Variants in MKX observed in about 807,000 individuals in gnomAD.
MKX encodes mohawk homeobox.
Under a neutral mutation model 36.0 loss-of-function variants are expected in MKX, and 13 were observed. That is an observed-to-expected ratio of 0.36 (90% confidence interval 0.24 to 0.57). The LOEUF (loss-of-function observed/expected upper bound fraction) is 0.57, where lower values mean the gene tolerates loss of function less well. Among genes scored for constraint, MKX ranks in the 20% least tolerant of loss-of-function variants. The probability of loss-of-function intolerance (pLI) is 0.79; values close to 1 mark genes in which losing one functional copy is unlikely to be tolerated. For synonymous variants in MKX, 176 were observed against 178.3 expected, an observed-to-expected ratio of 0.99 and a Z score of 0.10; for missense variants, 458 against 456.4, an observed-to-expected ratio of 1.00 and a Z score of -0.03.
intron 5 of MKX, among the ~76,000 whole-genome samples, chr10:27,714,411 G>A (rs866876943): frequency 6.6e-6 from 1 of 152,166 alleles, no homozygotes; most frequent in Non-Finnish European, 1.5e-5. Context: ...CATTGTTAGA[G>A]AAAGCGCTTG....
intron 5 of MKX, among the ~76,000 whole-genome samples, chr10:27,726,167 CTTTGTAAGATCAAAACTTAACG>C: frequency 6.6e-6 from 1 of 152,116 alleles, no homozygotes; most frequent in East Asian, 1.9e-4. Context: ...CAGAGAATGC[CTTTGTAAGATCAAAACTTAACG>C]TTGGTAAACT....
chr10:27,715,385 G>T (rs1836945383), intron 5 of MKX, among the ~76,000 whole-genome samples: 1 of 152,190 alleles, frequency 6.6e-6, no homozygotes, highest in Admixed American at 6.5e-5. Flanking sequence ...CGGGAGAAAG[G>T]ATCTGAAGTA....
At chr10:27,697,640 T>G (rs1346889798) in intron 5 of MKX, among the ~76,000 whole-genome samples, 1 of 152,232 alleles carries the variant, frequency 6.6e-6, no homozygotes, top group Non-Finnish European at 1.5e-5. Context: ...CCATGTTGTC[T>G]TTGTTTACTT....
intron 5 of MKX, among the ~76,000 whole-genome samples, chr10:27,681,019 G>A (rs1001713251): frequency 2.0e-5 from 3 of 152,158 alleles, no homozygotes; most frequent in African/African-American, 7.2e-5. Flanking sequence ...ACGATAATTC[G>A]GTCAGTGGCA....
chr10:27,687,873 G>A (rs1458928733), intron 5 of MKX, among the ~76,000 whole-genome samples: 3 of 152,180 alleles, frequency 2.0e-5, no homozygotes, highest in African/African-American at 7.2e-5. Flanking sequence ...AAGTATTCTC[G>A]TTTCTATTCT....
intron 4 of MKX, 135 bp downstream of exon 4, chr10:27,735,086 G>T: frequency 1.3e-6 from 1 of 745,990 alleles, no homozygotes; most frequent in Non-Finnish European, 2.0e-6. Flanking sequence ...TTATAAAAAT[G>T]AAGTTACTTC....
intron 5 of MKX, among the ~76,000 whole-genome samples, chr10:27,680,368 GA>G (rs1554768914): frequency 6.2e-3 from 82 of 13,232 alleles, no homozygotes; most frequent in African/African-American, 0.015. Context: ...GAAAAGAAAA[GA>G]AAAAAAAAAA....
intron 5 of MKX, among the ~76,000 whole-genome samples, chr10:27,693,634 G>A (rs903198227): frequency 6.6e-6 from 1 of 152,164 alleles, no homozygotes; most frequent in Non-Finnish European, 1.5e-5. Context: ...CTGTGTTACT[G>A]ATGTCACATA....
At chr10:27,701,369 TA>T (rs2132526489) in intron 5 of MKX, among the ~76,000 whole-genome samples, 1 of 4,926 alleles carries the variant, frequency 2.0e-4, no homozygotes, top group South Asian at 4.0e-3. Flanking sequence ...AAGATGATTT[TA>T]TATATATATA....
At chr10:27,722,757 C>T (rs1362103274) in intron 5 of MKX, among the ~76,000 whole-genome samples, 1 of 152,152 alleles carries the variant, frequency 6.6e-6, no homozygotes, top group Non-Finnish European at 1.5e-5. Flanking sequence ...TCAAAATATA[C>T]ATTTGATGTG....
chr10:27,737,168 T>C (rs1292471380), intron 3 of MKX, among the ~76,000 whole-genome samples: 2 of 152,178 alleles, frequency 1.3e-5, no homozygotes, highest in Non-Finnish European at 2.9e-5. Flanking sequence ...CCTTTCTTCA[T>C]GAAATTTCTC....
intron 5 of MKX, among the ~76,000 whole-genome samples, chr10:27,725,379 C>G (rs1048024661): frequency 1.3e-5 from 2 of 152,116 alleles, no homozygotes; most frequent in Admixed American, 1.3e-4. Flanking sequence ...AAACTGAAAA[C>G]TGAGAAAAAT....
At chr10:27,675,716 A>G (rs562890208) in intron 5 of MKX, among the ~76,000 whole-genome samples, 162 bp from the exon 6 acceptor site, 2 of 152,352 alleles carry the variant, frequency 1.3e-5, no homozygotes, top group Non-Finnish European at 2.9e-5. Context: ...TAAGATGCAA[A>G]AAAAATTGCA....
At chr10:27,701,846 T>TAC (rs1491053452) in intron 5 of MKX, among the ~76,000 whole-genome samples, 38 of 134,532 alleles carry the variant, frequency 2.8e-4, no homozygotes, top group South Asian at 7.2e-4. Context: ...TATATATATA[T>TAC]ACACAAAGAA....
intron 4 of MKX, 109 bp from the exon 5 acceptor site, chr10:27,734,900 TATAAAATTATCTTTG>T: frequency 1.6e-6 from 1 of 640,038 alleles, no homozygotes; most frequent in Non-Finnish European, 2.3e-6. Flanking sequence ...ATTTAAAGTA[TATAAAATTATCTTTG>T]ATAGTCAAGA....
intron 5 of MKX, among the ~76,000 whole-genome samples, chr10:27,699,837 C>A (rs1336157143): frequency 6.6e-6 from 1 of 152,200 alleles, no homozygotes; most frequent in Non-Finnish European, 1.5e-5. Context: ...AAAAATTCTT[C>A]TTTCCATTGA....
chr10:27,688,185 T>C (rs1402895009), intron 5 of MKX, among the ~76,000 whole-genome samples: 7 of 151,518 alleles, frequency 4.6e-5, no homozygotes, highest in Non-Finnish European at 7.4e-5. Context: ...GAAGTCCTTG[T>C]TAAAAAAAAA....
Position 27,674,957 on chromosome 10 carries a change from T to C in MKX, c.*272A>G. 3.3e-6 allele frequency: 1 copy of C among 299,658 alleles called. No homozygotes were observed. Among genetic ancestry groups the C allele is most frequent in the Non-Finnish European group, 6.2e-6 (1 of 160,826 alleles). 18.6% of individuals were successfully genotyped at this position (299,658 alleles called of 1,614,324 possible). A position where few individuals can be genotyped will look rare whatever the true frequency, so the allele number is the denominator to read the frequency against. On this transcript the variant is annotated 3_prime_UTR_variant, in exon 7 of 7. Transcript: ENST00000419761. ...GTTCAACTATGCCCACGTTGGAGCT[T>C]ATTGTCGGGAAGCAAGGCACTTACT... is the stretch of plus-strand genomic sequence containing the variant.
chr10:27,686,559 C>A (rs1385174745), intron 5 of MKX, among the ~76,000 whole-genome samples: 1 of 151,310 alleles, frequency 6.6e-6, no homozygotes, highest in Non-Finnish European at 1.5e-5. Context: ...TCACTGCAAC[C>A]TCTACCTCCT....
Sources: gnomAD v4.1 joint callset for allele counts (sites outside exome capture counted in the v4.1 genomes callset) on GRCh38, gnomAD v4.1.1 for gene constraint, MANE v1.5 for transcripts, NCBI Gene and HGNC (gene_info 2026-07-23, HGNC 2026-07-21) for gene names.